The following TJP1 variants were observed in gnomAD, a reference collection of about 807,000 sequenced individuals.
TJP1 encodes tight junction protein 1.
TJP1 carries 43 observed loss-of-function variants against 194.2 expected under a neutral mutation model. The observed-to-expected ratio is 0.22, with a 90% CI of 0.17 to 0.29. TJP1 has a LOEUF of 0.29. TJP1 is among the 10% of genes least tolerant of loss of function. The pLI is 1.00. For missense variants in TJP1, 1,971 were observed against 2,185.7 expected, an observed-to-expected ratio of 0.90 and a Z score of 1.96; for synonymous variants, 801 against 779.0, an observed-to-expected ratio of 1.03 and a Z score of -0.47.
intron 2 of TJP1, among the ~76,000 whole-genome samples, chr15:29,878,553 G>A (rs1033162855): frequency 5.3e-5 from 8 of 151,918 alleles, no homozygotes; most frequent in African/African-American, 1.9e-4. Context: ...CCATAGTTCA[G>A]TATATGACAA....
In TJP1 at chr15:29,828,735, CTT is replaced by C. The variant is rs60018975; in HGVS notation, c.307-28035_307-28034del. Among the ~76,000 whole-genome samples the C allele has an allele frequency of 9.9e-3, 1,324 of 133,286 alleles. 6 individuals are homozygous for C. The highest frequency in any genetic ancestry group is 0.014 in the Non-Finnish European group (879 of 61,652). The allele number at this position is 133,286 out of a possible 152,430, so 87.4% of individuals were successfully genotyped here. The stretch of plus-strand genomic sequence containing the variant: ...TTCTTTGGAACTGAATGAATTGAGT[CTT>C]TTTTTTTTTTTTTTGAGGTGGAGTC... On this transcript the variant is annotated intron_variant, in intron 2 of 28. Coordinates refer to the TJP1 transcript ENST00000356107.
chr15:29,833,881 A>ATATATATATATATATATTTTTTTT (rs1555434000), intron 2 of TJP1, among the ~76,000 whole-genome samples: 1 of 12,614 alleles, frequency 7.9e-5, no homozygotes, highest in Non-Finnish European at 1.4e-4. Flanking sequence ...ATATATATAT[A>ATATATATATATATATATTTTTTTT]TTTTTTTTTT....
At chr15:29,872,701 C>T (rs1356748113) in intron 2 of TJP1, among the ~76,000 whole-genome samples, 1 of 152,126 alleles carries the variant, frequency 6.6e-6, no homozygotes, top group East Asian at 1.9e-4. Context: ...GCATTCAAAC[C>T]CTGCATTAGG....
chr15:29,914,196 G>C (rs931570324), intron 2 of TJP1, among the ~76,000 whole-genome samples: 10 of 152,190 alleles, frequency 6.6e-5, no homozygotes, highest in African/African-American at 1.9e-4. Flanking sequence ...CGACTCACTA[G>C]CATGGATTAC....
At chr15:29,928,112 T>C (rs1364080807) in intron 2 of TJP1, among the ~76,000 whole-genome samples, 5 of 150,766 alleles carry the variant, frequency 3.3e-5, no homozygotes, top group South Asian at 4.2e-4. Context: ...CAAGATTATA[T>C]AGAAAAAAAA....
At chr15:29,798,909 T>A (rs543825219) in intron 2 of TJP1, among the ~76,000 whole-genome samples, 2 of 152,330 alleles carry the variant, frequency 1.3e-5, no homozygotes, top group East Asian at 3.9e-4. Context: ...CTCAAAAGGC[T>A]ACATGTTGTA....
chr15:29,961,719 T>C (rs536055522), intron 1 of TJP1, among the ~76,000 whole-genome samples: 2 of 152,256 alleles, frequency 1.3e-5, no homozygotes, highest in South Asian at 2.1e-4. Context: ...GATCTGCCCA[T>C]TTCCCTTCTC....
At chr15:29,800,595 C>T (rs897889355) in intron 2 of TJP1, 51 bp downstream of exon 2, 1 of 1,577,504 alleles carries the variant, frequency 6.3e-7, no homozygotes, top group Non-Finnish European at 8.7e-7. Flanking sequence ...GTTTTCAAAG[C>T]TGCCAGTATC....
At chr15:29,873,080 T>C (rs1391838756) in intron 2 of TJP1, among the ~76,000 whole-genome samples, 2 of 152,104 alleles carry the variant, frequency 1.3e-5, no homozygotes, top group Admixed American at 6.5e-5. Context: ...ATTTCACAGA[T>C]GAAAACTGGT....
In TJP1 at chr15:29,866,289, C is replaced by T. The variant is rs187649583; in HGVS notation, c.307-65587G>A. Among the ~76,000 whole-genome samples the T allele has an allele frequency of 7.4e-4, 112 of 152,304 alleles. 1 individual carries two copies. The highest frequency in any genetic ancestry group is 2.6e-3 in the African/African-American group (108 of 41,560). On this transcript the variant is annotated intron_variant, in intron 2 of 28. Transcript: ENST00000356107. ...CCACCCAAATTTCAACACATTTTTC[C>T]GTCACAAATTTAGCATTAGCTTAAG...
intron 2 of TJP1, among the ~76,000 whole-genome samples, chr15:29,950,168 ACCACTACCTCCACCT>A (rs1330100804): frequency 1.1e-5 from 1 of 89,940 alleles, no homozygotes; most frequent in Non-Finnish European, 2.3e-5. Flanking sequence ...CACCACCACA[ACCACTACCTCCACCT>A]CCACCACCAC....
intron 1 of TJP1, among the ~76,000 whole-genome samples, chr15:29,821,742 C>T (rs1320349199): frequency 4.6e-5 from 7 of 151,764 alleles, no homozygotes; most frequent in Non-Finnish European, 8.8e-5. Flanking sequence ...GCGCCGGCAG[C>T]TATGCACCTG....
chr15:29,810,382 T>A (rs2049407903), intron 1 of TJP1, among the ~76,000 whole-genome samples: 1 of 152,154 alleles, frequency 6.6e-6, no homozygotes, highest in Non-Finnish European at 1.5e-5. Flanking sequence ...AATTACTGAT[T>A]TAGGAAAGAC....
At chr15:29,929,414 G>A (rs1015728776) in intron 2 of TJP1, among the ~76,000 whole-genome samples, 12 of 152,072 alleles carry the variant, frequency 7.9e-5, no homozygotes, top group African/African-American at 2.9e-4. Flanking sequence ...TGTATGACTC[G>A]GGCTGAGTGC....
intron 5 of TJP1, among the ~76,000 whole-genome samples, chr15:29,765,638 C>T (rs1325621453): frequency 1.3e-5 from 2 of 152,162 alleles, no homozygotes; most frequent in Admixed American, 1.3e-4. Flanking sequence ...CGCCTATAAT[C>T]CCAGCACTGT....
In TJP1 at chr15:29,748,943, T is replaced by A. The variant is rs111973859; in HGVS notation, c.1011-6162A>T. 8.9e-3 allele frequency among the ~76,000 whole-genome samples: 1,219 copies of A among 136,670 alleles called. 7 individuals are homozygous for A. The highest frequency in any genetic ancestry group is 0.016 in the Admixed American group (218 of 13,926). The allele number at this position is 136,670 out of a possible 152,430, so 89.7% of individuals were successfully genotyped here. On this transcript the variant is annotated intron_variant, in intron 8 of 27. Coordinates refer to ENST00000614355, the MANE Select transcript of TJP1 (RefSeq NM_001330239.4). ...AAAAATGTGTGTGTGTGTGTGTGTG[T>A]GTGTGTGTGTGCGCGTGTGTGCGCG...
chr15:29,734,488 C>CTTTTT, intron 11 of TJP1, 106 bp from the exon 12 acceptor site: 2 of 557,662 alleles, frequency 3.6e-6, no homozygotes, highest in East Asian at 4.0e-5. Flanking sequence ...AATATCACAT[C>CTTTTT]TTTTTTTTTT....
At position 29,741,343 on chromosome 15, in the gene TJP1, T is replaced by A. The variant is rs1275862229; in HGVS notation, c.1244A>T (p.Asp415Val). Residue 415 changes from aspartate (D) to valine (V), a missense_variant, in exon 10 of 28, where the codon GAT (aspartate) becomes GTT (valine). By Grantham distance (152) the Asp-to-Val change is radical (BLOSUM62 -3). Coordinates refer to ENST00000614355, the MANE Select transcript of TJP1 (RefSeq NM_001330239.4). ...DGVLPNSTHEDGILRPSMKLV... is the reference protein window; with the variant it reads ...DGVLPNSTHEVGILRPSMKLV... Reference sequence around the variant, plus strand: ...AAAATTGTATTACCGAAGAATCCCATCTTCATGAGTTGAATTAGGTAGGAC... The same window carrying A: ...AAAATTGTATTACCGAAGAATCCCAACTTCATGAGTTGAATTAGGTAGGAC... 6.3e-7 allele frequency: 1 copy of A among 1,591,556 alleles called. No individual in the cohort carries two copies. Among genetic ancestry groups the A allele is most frequent in the Non-Finnish European group, 8.5e-7 (1 of 1,174,064 alleles).
At chr15:29,881,949 A>T (rs1471345506) in intron 2 of TJP1, among the ~76,000 whole-genome samples, 1 of 151,316 alleles carries the variant, frequency 6.6e-6, no homozygotes, top group Non-Finnish European at 1.5e-5. Flanking sequence ...ATATATAGAT[A>T]TATATAGATA....
Sources: allele counts gnomAD v4.1 joint callset (sites outside exome capture counted in the v4.1 genomes callset), GRCh38; gene constraint gnomAD v4.1.1; transcripts MANE v1.5; gene names NCBI Gene and HGNC (gene_info 2026-07-23, HGNC 2026-07-21).